The following PTPN5 variants were observed in gnomAD, a reference collection of about 807,000 sequenced individuals.
PTPN5 encodes the protein protein tyrosine phosphatase non-receptor type 5, also known as tyrosine-protein phosphatase non-receptor type 5.
Under a neutral mutation model 73.9 loss-of-function variants are expected in PTPN5, and 29 were observed. The observed-to-expected ratio is 0.39, with a 90% CI of 0.29 to 0.54. The LOEUF (loss-of-function observed/expected upper bound fraction) is 0.54, where lower values mean the gene tolerates loss of function less well. Ranked by LOEUF, PTPN5 falls within the 20% of genes least tolerant of loss-of-function variation. The probability of loss-of-function intolerance (pLI) is 0.65; values close to 1 mark genes in which losing one functional copy is unlikely to be tolerated. For synonymous variants in PTPN5, 267 were observed against 304.7 expected (o/e 0.88, Z 1.29); for missense variants, 652 against 751.4 (o/e 0.87, Z 1.55).
intron 2 of PTPN5, among the ~76,000 whole-genome samples, chr11:18,769,357 G>A (rs1220260209): frequency 1.3e-5 from 2 of 152,108 alleles, no homozygotes; most frequent in African/African-American, 4.8e-5. Context: ...AGGGGAAGAG[G>A]AAGTCTTCTC....
chr11:18,780,469 T>G (rs1047848460), intron 1 of PTPN5, among the ~76,000 whole-genome samples: 1 of 152,172 alleles, frequency 6.6e-6, no homozygotes, highest in Admixed American at 6.5e-5. Context: ...TCAGGGCCCC[T>G]GCCCCCCGCC....
In PTPN5 at chr11:18,728,811, G is replaced by T; in HGVS notation, c.*123C>A. 1 of 857,546 alleles carries T rather than the reference G, an allele frequency of 1.2e-6. No individual in the cohort carries two copies. Among genetic ancestry groups the T allele is most frequent in the Non-Finnish European group, 1.8e-6 (1 of 547,308 alleles). 53.1% of individuals were successfully genotyped at this position (857,546 alleles called of 1,614,324 possible). A position where few individuals can be genotyped will look rare whatever the true frequency, so the allele number is the denominator to read the frequency against. On this transcript the variant is annotated 3_prime_UTR_variant, in exon 15 of 15. Transcript: ENST00000358540. This position sits in a 1 kb window ranked among gnomAD's most constrained non-coding sequence, Gnocchi z 4.1. ...TAGGGGTCAGGCCAGGCTGACAGAG[G>T]ACAGAGGGAGCTGACTGAAGGGGAG...
chr11:18,745,091 T>C (rs1021463517), intron 3 of PTPN5, among the ~76,000 whole-genome samples: 1 of 152,202 alleles, frequency 6.6e-6, no homozygotes, highest in Non-Finnish European at 1.5e-5. Flanking sequence ...CCCCTGGCTA[T>C]AGCATGGGGA....
intron 3 of PTPN5, among the ~76,000 whole-genome samples, chr11:18,746,192 T>TATATATATATATAA (rs550537453): frequency 9.7e-6 from 1 of 102,826 alleles, no homozygotes; most frequent in Non-Finnish European, 2.1e-5. Flanking sequence ...TATATATATA[T>TATATATATATATAA]ACATTTTTTT....
intron 3 of PTPN5, 175 bp from the exon 4 acceptor site, chr11:18,744,374 G>A (rs1242579542): frequency 6.5e-6 from 3 of 461,106 alleles, no homozygotes; most frequent in African/African-American, 6.1e-5. Context: ...TCGTCAGAAA[G>A]AGCTAAGTGT....
chr11:18,741,868 ATAAAAG>A (rs763992077), intron 7 of PTPN5, among the ~76,000 whole-genome samples: 78 of 152,210 alleles, frequency 5.1e-4, no homozygotes, highest in Middle Eastern at 3.2e-3. Context: ...TCAATCCAAA[ATAAAAG>A]TAAAACAAAA....
At chr11:18,740,495 T>G in intron 8 of PTPN5, 108 bp downstream of exon 8, 1 of 1,008,346 alleles carries the variant, frequency 9.9e-7, no homozygotes, top group Non-Finnish European at 1.4e-6. Context: ...AAAGTGATAC[T>G]AATCTACTGC....
At chr11:18,767,127 T>C (rs1031023133) in intron 2 of PTPN5, among the ~76,000 whole-genome samples, 2 of 152,208 alleles carry the variant, frequency 1.3e-5, no homozygotes, top group African/African-American at 4.8e-5. Context: ...ATAGCCTTGC[T>C]AGCATACTTT....
Position 18,742,554 on chromosome 11 carries a change from C to T in PTPN5, c.484-51G>A, listed in dbSNP as rs771510518. 1.8e-5 allele frequency: 29 copies of T among 1,598,376 alleles called. No individual in the cohort carries two copies. The highest frequency in any genetic ancestry group is 8.9e-5 in the East Asian group (4 of 44,746). On this transcript the variant is annotated intron_variant, in intron 6 of 14. Transcript: ENST00000358540. The surrounding 1 kb of genome is among the most constrained non-coding windows in gnomAD (Gnocchi z 4.1). ...ATTTCGGACCACGCTGGCTGCCCCC[C>T]GTGTTCCTGGAGTGCCCATGGGATT...
intron 2 of PTPN5, among the ~76,000 whole-genome samples, chr11:18,769,761 T>C (rs1850793947): frequency 6.6e-6 from 1 of 152,170 alleles, no homozygotes; most frequent in Admixed American, 6.5e-5. Context: ...AAAGGATTTC[T>C]TGGGTAGAGC....
At chr11:18,749,494 G>C (rs2028897) in intron 3 of PTPN5, 364,132 of 511,674 alleles carry the variant, frequency 0.71, 130,888 homozygotes, top group Middle Eastern at 0.85. Flanking sequence ...AGGGTGGGGG[G>C]CAGAACCTTG....
chr11:18,752,852 A>G (rs1278166527), intron 3 of PTPN5, among the ~76,000 whole-genome samples: 3 of 152,212 alleles, frequency 2.0e-5, no homozygotes, highest in Non-Finnish European at 4.4e-5. Context: ...CTTAAGCACA[A>G]ATGCTTGGGG....
intron 1 of PTPN5, among the ~76,000 whole-genome samples, chr11:18,782,679 T>C (rs954851188): frequency 6.6e-6 from 1 of 152,252 alleles, no homozygotes; most frequent in African/African-American, 2.4e-5. Context: ...TTCTGAGTCT[T>C]GCTCTTGGTG....
At position 18,732,593 on chromosome 11, in the gene PTPN5, T is replaced by C; in HGVS notation, c.1328A>G (p.Lys443Arg). The change falls in exon 12 of 15, where the codon AAG becomes AGG. Residue 443 changes from lysine to arginine, a missense_variant and splice_region_variant. Physicochemically the swap from Lys to Arg is conservative, Grantham distance 26. Coordinates refer to ENST00000358540, the MANE Select transcript of PTPN5 (RefSeq NM_006906.2). ...ACCCAGCCCTGCCCCAGGCCTCACC[T>C]TGAGGGAGATGAGTCGCAGCCGGTA... The part of the protein sequence containing the change: ...EDYRLRLISL[K>R]SGTEERGLKH... The C allele has an allele frequency of 1.2e-6, 2 of 1,613,140 alleles. No individual in the cohort carries two copies. The highest frequency in any genetic ancestry group is 1.7e-6 in the Non-Finnish European group (2 of 1,179,466).
chr11:18,746,862 G>T (rs1849666731), intron 3 of PTPN5, among the ~76,000 whole-genome samples: 1 of 152,142 alleles, frequency 6.6e-6, no homozygotes, highest in Admixed American at 6.5e-5. Context: ...ATAAGCAGGG[G>T]GTTGATTTCT....
intron 7 of PTPN5, among the ~76,000 whole-genome samples, chr11:18,741,226 G>A (rs529913933): frequency 3.9e-5 from 6 of 152,212 alleles, no homozygotes; most frequent in East Asian, 3.9e-4. Context: ...CTGCAGTCCC[G>A]GGCCCAACAG....
chr11:18,737,784 A>AC, intron 9 of PTPN5, 96 bp downstream of exon 9: 1 of 1,081,810 alleles, frequency 9.2e-7, no homozygotes, highest in Non-Finnish European at 1.4e-6. Flanking sequence ...CAGTCCTGTC[A>AC]CCCCTAGAGG....
At chr11:18,732,453 C>T (rs187974418) in intron 12 of PTPN5, 139 bp downstream of exon 12, 6 of 685,676 alleles carry the variant, frequency 8.8e-6, no homozygotes, top group East Asian at 2.5e-5. Flanking sequence ...CTCACTCATC[C>T]GTAATTATCA....
chr11:18,776,350 T>C (rs565139094), intron 1 of PTPN5, among the ~76,000 whole-genome samples: 54 of 152,188 alleles, frequency 3.5e-4, no homozygotes, highest in Admixed American at 1.0e-3. Context: ...TCTGTTCAAA[T>C]GTCACCTCCT....
Sources: allele counts gnomAD v4.1 joint callset (sites outside exome capture counted in the v4.1 genomes callset), GRCh38; gene constraint gnomAD v4.1.1; non-coding constraint Gnocchi (gnomAD v3.1); transcripts MANE v1.5; gene names NCBI Gene and HGNC (gene_info 2026-07-23, HGNC 2026-07-21).